The following CLTRN variants were observed in gnomAD, a reference collection of about 807,000 sequenced individuals.
CLTRN encodes collectrin.
CLTRN carries 12 observed loss-of-function variants against 14.5 expected under a neutral mutation model. That is an observed-to-expected ratio of 0.83 (90% confidence interval 0.53 to 1.34). The LOEUF (loss-of-function observed/expected upper bound fraction) is 1.34. CLTRN is among the 40% of genes most tolerant of loss of function. The pLI is 0.00. For synonymous variants in CLTRN, 58 were observed against 56.5 expected, an observed-to-expected ratio of 1.03 and a Z score of -0.12; for missense variants, 154 against 165.1, an observed-to-expected ratio of 0.93 and a Z score of 0.37.
chrX:15,646,691 C>CT (rs1929084662), intron 3 of CLTRN: 1 of 339,667 alleles, frequency 2.9e-6, no homozygotes, highest in African/African-American at 2.7e-5. Flanking sequence ...TTCCCGAGGC[C>CT]TGGAGGTGCT....
chrX:15,664,808 G>GAAAAAAAAAATCC, upstream of CLTRN: 1 of 1,099,970 alleles, frequency 9.1e-7, no homozygotes, highest in Non-Finnish European at 1.2e-6. Flanking sequence ...GGCAAAGTGA[G>GAAAAAAAAAATCC]AAAAAAAAAA....
chrX:15,628,276 G>A (rs1174739899), intron 5 of CLTRN, 149 bp from the exon 6 acceptor site: 3 of 375,736 alleles, frequency 8.0e-6, no homozygotes, highest in East Asian at 4.7e-5. Flanking sequence ...ATTTTCAAAC[G>A]AATTTCAAAG....
chrX:15,641,245 A>T (rs1928933443), intron 4 of CLTRN, among the ~76,000 whole-genome samples: 1 of 111,632 alleles, frequency 9.0e-6, no homozygotes, highest in African/African-American at 3.3e-5. Flanking sequence ...AAATAAGTGA[A>T]TTTCTAACTG....
At chrX:15,667,750 G>A (rs777492656), upstream of CLTRN, among the ~76,000 whole-genome samples, 1 of 111,146 alleles carries the variant, frequency 9.0e-6, no homozygotes, top group East Asian at 2.8e-4. Flanking sequence ...ACAGGATCTT[G>A]CTCTGATGCC....
chrX:15,667,185 C>T (rs1003861960), upstream of CLTRN, among the ~76,000 whole-genome samples: 3 of 111,258 alleles, frequency 2.7e-5, no homozygotes, highest in South Asian at 3.7e-4. Context: ...TGCAGTGAGC[C>T]GAGATCGTGC....
upstream of CLTRN, among the ~76,000 whole-genome samples, chrX:15,667,661 T>A (rs778996797): frequency 4.5e-5 from 5 of 112,138 alleles, no homozygotes; most frequent in East Asian, 1.1e-3. Flanking sequence ...AAAACTGGGG[T>A]CATGCTATTA....
chrX:15,665,964 G>C (rs765281444), upstream of CLTRN, among the ~76,000 whole-genome samples: 3 of 111,403 alleles, frequency 2.7e-5, no homozygotes, highest in Non-Finnish European at 5.7e-5. Context: ...CTGTGTCTCT[G>C]GTCACCATTG....
At chrX:15,646,885 G>C in intron 3 of CLTRN, 1 of 290,010 alleles carries the variant, frequency 3.4e-6, no homozygotes, top group South Asian at 3.1e-5. Flanking sequence ...ATCTGCCTTC[G>C]GGTCTGTGAT....
intron 2 of CLTRN, among the ~76,000 whole-genome samples, chrX:15,661,073 G>A (rs753189845): frequency 1.8e-5 from 2 of 111,643 alleles, no homozygotes; most frequent in Admixed American, 9.5e-5. Flanking sequence ...GAGTAGCTAT[G>A]ATCTAACCTA....
At chrX:15,642,428 T>C (rs1345187621) in intron 4 of CLTRN, among the ~76,000 whole-genome samples, 1 of 112,557 alleles carries the variant, frequency 8.9e-6, no homozygotes, top group African/African-American at 3.2e-5. Flanking sequence ...CCAGTACTCT[T>C]TTTTGCCCAT....
chrX:15,659,147 T>C (rs772140834), intron 2 of CLTRN, 46 bp from the exon 3 acceptor site: 3 of 713,050 alleles, frequency 4.2e-6, no homozygotes, highest in South Asian at 2.2e-5. Context: ...ATATGGTCCA[T>C]TGGTTCTACT....
rs1472112145 is a variant in CLTRN, at chrX:15,639,704, C to A, written c.370G>T (p.Glu124Ter). The change falls in exon 5 of 6, where the codon GAA (glutamate) becomes TAA (stop). Residue 124 changes from glutamate to a stop codon, truncating the protein, a stop_gained. Transcript: ENST00000380342. LOFTEE classifies it high-confidence loss of function. ...AGTGTGGAAGGGATTTTTAAAAATT[C>A]CAGAGTTTGGTCATTTAGAAAGAAG... ...NAFFLNDQTL[E>*]FLKIPSTLAP... The A allele has an allele frequency of 1.7e-6, 2 of 1,209,793 alleles. No homozygotes were observed. The highest frequency in any genetic ancestry group is 3.0e-5 in the East Asian group (1 of 33,816).
At chrX:15,655,193 T>C (rs1012380357) in intron 3 of CLTRN, among the ~76,000 whole-genome samples, 1 of 112,053 alleles carries the variant, frequency 8.9e-6, no homozygotes, top group Admixed American at 9.4e-5. Context: ...CCCTCCACCA[T>C]GCTTCATTCT....
intron 4 of CLTRN, among the ~76,000 whole-genome samples, chrX:15,640,348 C>T (rs773577749): frequency 1.9e-4 from 22 of 112,963 alleles, no homozygotes; most frequent in Non-Finnish European, 4.1e-4. Flanking sequence ...TGCAAAACTG[C>T]CCTGAGCTGC....
chrX:15,646,630 G>T, intron 3 of CLTRN: 1 of 341,640 alleles, frequency 2.9e-6, no homozygotes, highest in African/African-American at 2.6e-5. Context: ...GCCCGCATCC[G>T]CATCCGGAGA....
intron 5 of CLTRN, among the ~76,000 whole-genome samples, chrX:15,633,967 A>C (rs1412712553): frequency 8.9e-6 from 1 of 112,180 alleles, no homozygotes; most frequent in Admixed American, 9.4e-5. Context: ...ATTCTTACTT[A>C]TCTGGGCTTT....
intron 2 of CLTRN, among the ~76,000 whole-genome samples, chrX:15,663,173 T>C (rs1929547181): frequency 8.9e-6 from 1 of 111,923 alleles, no homozygotes. Flanking sequence ...TTGCATTTGG[T>C]TTACTGAATA....
At chrX:15,667,723 G>GT (rs965680598), upstream of CLTRN, among the ~76,000 whole-genome samples, 5 of 109,588 alleles carry the variant, frequency 4.6e-5, no homozygotes, top group Admixed American at 9.7e-5. Flanking sequence ...GTTGTTTGTT[G>GT]TTTTTTTTTA....
chrX:15,668,911 T>TTATAA (rs1459700583), upstream of CLTRN, among the ~76,000 whole-genome samples: 3 of 112,104 alleles, frequency 2.7e-5, no homozygotes, highest in Admixed American at 2.8e-4. Context: ...CTCATGGACT[T>TTATAA]TATAGAGTAT....
Sources: allele counts gnomAD v4.1 joint callset (sites outside exome capture counted in the v4.1 genomes callset), GRCh38; gene constraint gnomAD v4.1.1; transcripts MANE v1.5; gene names NCBI Gene and HGNC (gene_info 2026-07-23, HGNC 2026-07-21).